GALNT14: variants seen among roughly 807,000 people sequenced by gnomAD.
The protein encoded by GALNT14 is polypeptide N-acetylgalactosaminyltransferase 14.
In GALNT14, 60 loss-of-function variants were observed where a neutral mutation model predicts 77.5. That is an observed-to-expected ratio of 0.77 (90% CI 0.63 to 0.96). GALNT14 has a LOEUF of 0.96. GALNT14 is among the 40% of genes least tolerant of loss of function. GALNT14 has a pLI of 0.00. For synonymous variants in GALNT14, 280 were observed against 281.7 expected (o/e 0.99, Z 0.06); for missense variants, 710 against 731.0 (o/e 0.97, Z 0.33).
chr2:31,015,315 A>G (rs914427413), intron 1 of GALNT14, among the ~76,000 whole-genome samples: 30 of 131,584 alleles, frequency 2.3e-4, no homozygotes, highest in South Asian at 5.2e-4. Context: ...AAAAAAAAAA[A>G]AGAGATGGGA....
intron 1 of GALNT14, among the ~76,000 whole-genome samples, chr2:31,009,190 A>C (rs1401999948): frequency 6.6e-6 from 1 of 152,218 alleles, no homozygotes; most frequent in East Asian, 1.9e-4. Context: ...CAAATGGAGG[A>C]GGCAGAGGGC....
intron 1 of GALNT14, among the ~76,000 whole-genome samples, chr2:31,044,556 G>C (rs981559281): frequency 3.9e-5 from 6 of 152,174 alleles, no homozygotes; most frequent in African/African-American, 1.4e-4. Context: ...AACTACAAAA[G>C]ATTCTTCTAG....
At chr2:31,091,032 C>A (rs1249332937) in intron 1 of GALNT14, among the ~76,000 whole-genome samples, 1 of 152,136 alleles carries the variant, frequency 6.6e-6, no homozygotes, top group Non-Finnish European at 1.5e-5. Context: ...AAGGACAATG[C>A]CTTCCTCCTT....
chr2:30,904,205 G>C, the GALNT14 span, among the ~76,000 whole-genome samples: 1 of 152,204 alleles, frequency 6.6e-6, no homozygotes, highest in African/African-American at 2.4e-5. Flanking sequence ...ATCTGGGGAG[G>C]AGCCAAGATG....
chr2:30,973,913 T>G (rs917861979), intron 2 of GALNT14, among the ~76,000 whole-genome samples: 3 of 152,226 alleles, frequency 2.0e-5, no homozygotes, highest in Admixed American at 6.5e-5. Context: ...GCTGAACATA[T>G]TATTAATTCC....
At chr2:30,959,838 C>T (rs745791459) in intron 3 of GALNT14, among the ~76,000 whole-genome samples, 11 of 152,190 alleles carry the variant, frequency 7.2e-5, no homozygotes, top group Non-Finnish European at 1.5e-4. Context: ...ACACCCCAAA[C>T]CACGTGACTA....
chr2:31,003,966 C>T (rs774767569), intron 1 of GALNT14, among the ~76,000 whole-genome samples: 1 of 152,222 alleles, frequency 6.6e-6, no homozygotes, highest in Non-Finnish European at 1.5e-5. Flanking sequence ...GTATCTGCTT[C>T]CTTCTTATCA....
chr2:30,920,072 G>A (rs939797900), intron 13 of GALNT14, among the ~76,000 whole-genome samples: 11 of 152,184 alleles, frequency 7.2e-5, no homozygotes, highest in African/African-American at 2.7e-4. Context: ...CAACCTAGAA[G>A]AGGAATTTCA....
chr2:30,925,880 G>C (rs897293235), intron 11 of GALNT14, among the ~76,000 whole-genome samples: 1 of 152,132 alleles, frequency 6.6e-6, no homozygotes, highest in Non-Finnish European at 1.5e-5. Context: ...AGGGTAGTGA[G>C]GAGGCAGCTG....
intron 1 of GALNT14, among the ~76,000 whole-genome samples, chr2:31,058,570 A>T (rs1393682359): frequency 6.6e-6 from 1 of 152,150 alleles, no homozygotes; most frequent in Non-Finnish European, 1.5e-5. Flanking sequence ...GCCACTCCCC[A>T]GAAGAAGAAA....
chr2:30,889,401 G>A, the GALNT14 span, among the ~76,000 whole-genome samples: 3 of 152,200 alleles, frequency 2.0e-5, no homozygotes, highest in Non-Finnish European at 4.4e-5. Context: ...TCACAAGCTT[G>A]ACTAGGTAGG....
chr2:30,949,378 G>C (rs1187291237), intron 6 of GALNT14, among the ~76,000 whole-genome samples: 1 of 151,980 alleles, frequency 6.6e-6, no homozygotes, highest in African/African-American at 2.4e-5. Context: ...GGGGATGGAG[G>C]GACTCTCAAT....
intron 1 of GALNT14, among the ~76,000 whole-genome samples, chr2:31,128,532 C>T (rs550956422): frequency 1.4e-4 from 22 of 152,348 alleles, no homozygotes; most frequent in Admixed American, 4.6e-4. Context: ...AAGAAAGGGA[C>T]TCAAACAGTT....
At position 30,997,108 on chromosome 2, in the gene GALNT14, A is replaced by C. The variant is rs1430500167; in HGVS notation, c.130-4101T>G. ...TTTAGAGAGGTTAGGTGGCTGACCC[A>C]AGGTCATCGGCTGTTAAGTGATGGA... On this transcript the variant is annotated intron_variant, in intron 1 of 14. Transcript: ENST00000349752. 2.6e-5 allele frequency among the ~76,000 whole-genome samples: 4 copies of C among 152,324 alleles called. No individual in the cohort carries two copies. The East Asian group carries it at 7.7e-4, about 29-fold the overall frequency.
intron 6 of GALNT14, among the ~76,000 whole-genome samples, chr2:30,947,440 G>C (rs1666768775): frequency 1.3e-5 from 2 of 152,142 alleles, no homozygotes; most frequent in South Asian, 4.1e-4. Context: ...TAAGTCACCA[G>C]CTTCTTGGAG....
rs548349741 is a variant in GALNT14, at chr2:30,994,565, T to A, written c.130-1558A>T. ...TTTATCCAATAATTGATTTTATTAA[T>A]GTCCTGTGATACTGCGGCTACAGAA... On this transcript the variant is annotated intron_variant, in intron 1 of 14. Coordinates refer to ENST00000349752, the MANE Select transcript of GALNT14 (RefSeq NM_024572.4). Among the ~76,000 whole-genome samples the A allele has an allele frequency of 7.2e-5, 11 of 152,350 alleles. No homozygotes were observed. The East Asian group carries it at 1.2e-3, about 16-fold the overall frequency.
chr2:31,062,378 A>G (rs751190826), intron 1 of GALNT14, among the ~76,000 whole-genome samples: 4 of 152,192 alleles, frequency 2.6e-5, no homozygotes, highest in African/African-American at 9.7e-5. Flanking sequence ...ATGTTCTTAC[A>G]AAGAACATGA....
chr2:30,970,940 C>A (rs933266977), intron 2 of GALNT14, among the ~76,000 whole-genome samples: 1 of 152,172 alleles, frequency 6.6e-6, no homozygotes, highest in African/African-American at 2.4e-5. Context: ...AGGTGGCACA[C>A]CTGCTGAGTA....
At chr2:31,113,916 G>A (rs1227737212) in intron 1 of GALNT14, among the ~76,000 whole-genome samples, 1 of 152,092 alleles carries the variant, frequency 6.6e-6, no homozygotes, top group Non-Finnish European at 1.5e-5. Context: ...TTCCCTTCAG[G>A]TGCACTAAGA....
Sources: allele counts gnomAD v4.1 joint callset (sites outside exome capture counted in the v4.1 genomes callset), GRCh38; gene constraint gnomAD v4.1.1; transcripts MANE v1.5; gene names NCBI Gene and HGNC (gene_info 2026-07-23, HGNC 2026-07-21).